Variants in AGAP1 observed in about 807,000 individuals in gnomAD.
AGAP1 encodes the protein arf-GAP with GTPase, ANK repeat and PH domain-containing protein 1.
AGAP1 carries 29 observed loss-of-function variants against 105.3 expected under a neutral mutation model. The observed-to-expected ratio is 0.28, with a 90% confidence interval of 0.21 to 0.38. AGAP1 has a LOEUF of 0.38. Among genes scored for constraint, AGAP1 ranks in the 10% least tolerant of loss-of-function variants. The probability of loss-of-function intolerance (pLI) is 1.00; values close to 1 mark genes in which losing one functional copy is unlikely to be tolerated. For synonymous variants in AGAP1, 509 were observed against 485.9 expected, an observed-to-expected ratio of 1.05 and a Z score of -0.63; for missense variants, 998 against 1,165.1, an observed-to-expected ratio of 0.86 and a Z score of 2.09.
At chr2:235,680,965 C>G (rs142337073) in intron 1 of AGAP1, among the ~76,000 whole-genome samples, 3 of 152,122 alleles carry the variant, frequency 2.0e-5, no homozygotes, top group African/African-American at 7.2e-5. Context: ...TTTCCTACTT[C>G]CTCTCAGCTG....
chr2:235,746,805 T>C (rs910343106), intron 5 of AGAP1, among the ~76,000 whole-genome samples: 5 of 152,110 alleles, frequency 3.3e-5, no homozygotes, highest in Admixed American at 2.0e-4. Context: ...ACTTTAGGAC[T>C]CAGAATGGGC....
intron 16 of AGAP1, among the ~76,000 whole-genome samples, chr2:236,069,557 G>A (rs1022015873): frequency 6.6e-6 from 1 of 152,136 alleles, no homozygotes; most frequent in Admixed American, 6.6e-5. Flanking sequence ...CCAAATAGCT[G>A]GGATTACAGG....
At chr2:235,727,580 G>A (rs895157980) in intron 3 of AGAP1, among the ~76,000 whole-genome samples, 1 of 152,190 alleles carries the variant, frequency 6.6e-6, no homozygotes, top group Non-Finnish European at 1.5e-5. Context: ...TGAAAGCTTA[G>A]TCTTTGGAAT....
chr2:235,592,669 G>A (rs374856394), intron 1 of AGAP1, among the ~76,000 whole-genome samples: 10 of 152,134 alleles, frequency 6.6e-5, no homozygotes, highest in African/African-American at 1.9e-4. Flanking sequence ...AGGGAGGGGA[G>A]ACCTCAGTAC....
intron 13 of AGAP1, among the ~76,000 whole-genome samples, chr2:236,024,028 T>TTG (rs1559201476): frequency 8.9e-6 from 1 of 112,314 alleles, no homozygotes; most frequent in East Asian, 2.3e-4. Context: ...GTTGTTTTTT[T>TTG]TTTTTGTTTT....
chr2:235,581,519 A>C (rs1410905623), intron 1 of AGAP1, among the ~76,000 whole-genome samples: 1 of 151,818 alleles, frequency 6.6e-6, no homozygotes, highest in Non-Finnish European at 1.5e-5. Flanking sequence ...ATTTAAAAAG[A>C]AAATAGGCTG....
intron 9 of AGAP1, among the ~76,000 whole-genome samples, chr2:235,873,144 G>A (rs1294895615): frequency 6.6e-6 from 1 of 152,236 alleles, no homozygotes; most frequent in African/African-American, 2.4e-5. Flanking sequence ...AAACATTTTT[G>A]TAGCAGATTC....
intron 9 of AGAP1, chr2:235,852,892 G>A (rs767339231): frequency 2.6e-5 from 35 of 1,337,238 alleles, no homozygotes; most frequent in African/African-American, 1.6e-4. Context: ...CAGATCGGCC[G>A]ATAGCTTGCA....
At chr2:236,054,542 C>T (rs138892357) in intron 16 of AGAP1, among the ~76,000 whole-genome samples, 1 of 151,514 alleles carries the variant, frequency 6.6e-6, no homozygotes, top group Admixed American at 6.6e-5. Context: ...AAGGACTTTG[C>T]CGCGATGACC....
rs2056299874 is a variant in AGAP1, at chr2:236,005,729, A to G, written c.1646-30832A>G. Reference sequence around the variant, plus strand: ...GAATCCCTCTACTGGAATTTGTGCAATGCTTTTCTCAGGTTTCATCTTGAG... The same window carrying G: ...GAATCCCTCTACTGGAATTTGTGCAGTGCTTTTCTCAGGTTTCATCTTGAG... On this transcript the variant is annotated intron_variant, in intron 13 of 17. Transcript: ENST00000304032. This position sits in a 1 kb window ranked among gnomAD's most constrained non-coding sequence, Gnocchi z 4.1. 1.3e-5 allele frequency among the ~76,000 whole-genome samples: 2 copies of G among 152,282 alleles called. No individual in the cohort carries two copies. The highest frequency in any genetic ancestry group is 4.1e-4 in the South Asian group (2 of 4,822).
At position 236,001,823 on chromosome 2, in the gene AGAP1, G is replaced by C. The variant is rs536974263; in HGVS notation, c.1645+33200G>C. On this transcript the variant is annotated intron_variant, in intron 13 of 17. Coordinates refer to ENST00000304032, the MANE Select transcript of AGAP1 (RefSeq NM_001037131.3). This position sits in a 1 kb window ranked among gnomAD's most constrained non-coding sequence, Gnocchi z 4.7. ...CACAGGGCACTGCGTGGAATGCGTG[G>C]TCTCTAATAGGTTATGCCAGCCCCT... is the stretch of plus-strand genomic sequence containing the variant. Among the ~76,000 whole-genome samples, 16 of 152,328 alleles carry C rather than the reference G, an allele frequency of 1.1e-4. No homozygotes were observed. In the South Asian group the frequency reaches 3.3e-3, roughly 32 times the overall value.
rs1559395554 is a variant in AGAP1, at chr2:235,721,475, TTATG to T, written c.310+3833_310+3836del. Among the ~76,000 whole-genome samples the T allele has an allele frequency of 9.2e-6, 1 of 108,210 alleles. No individual in the cohort carries two copies. The highest frequency in any genetic ancestry group is 2.0e-5 in the Non-Finnish European group (1 of 50,342). 71.0% of individuals were successfully genotyped at this position (108,210 alleles called of 152,430 possible). On this transcript the variant is annotated intron_variant, in intron 3 of 17. Transcript: ENST00000304032. This position sits in a 1 kb window ranked among gnomAD's most constrained non-coding sequence, Gnocchi z 4.5. ...TCTTGGATTGACAGATTCCTTAATA[TTATG>T]TGTGTGTGTGTGTGTGTGTGTGTGT...
chr2:235,566,150 G>T lies in AGAP1; in HGVS notation c.163+71301G>T, dbSNP rs1944339470. On this transcript the variant is annotated intron_variant, in intron 1 of 17. Coordinates refer to ENST00000304032, the MANE Select transcript of AGAP1 (RefSeq NM_001037131.3). The surrounding 1 kb of genome is among the most constrained non-coding windows in gnomAD (Gnocchi z 5.2). ...TCTGTCGCCCAGGCTAGAGTGCAGT[G>T]GCGCAACCTCGGCTCACTGCAACCT... Among the ~76,000 whole-genome samples, 1 of 152,002 alleles carries T rather than the reference G, an allele frequency of 6.6e-6. No individual in the cohort carries two copies. Among genetic ancestry groups the T allele is most frequent in the Non-Finnish European group, 1.5e-5 (1 of 68,012 alleles).
At position 235,577,517 on chromosome 2, in the gene AGAP1, G is replaced by C. The variant is rs931492426; in HGVS notation, c.163+82668G>C. Among the ~76,000 whole-genome samples, 1 of 152,116 alleles carries C rather than the reference G, an allele frequency of 6.6e-6. No individual in the cohort carries two copies. Among genetic ancestry groups the C allele is most frequent in the Non-Finnish European group, 1.5e-5 (1 of 68,018 alleles). ...CAGAGTCCTGTGTTTGTTTGGAAAT[G>C]ATCGGAAGCTCCTGTGTCCCTGGTC... is the stretch of plus-strand genomic sequence containing the variant. On this transcript the variant is annotated intron_variant, in intron 1 of 17. Coordinates refer to ENST00000304032, the MANE Select transcript of AGAP1 (RefSeq NM_001037131.3). This position sits in a 1 kb window ranked among gnomAD's most constrained non-coding sequence, Gnocchi z 4.5.
rs1213213041 is a variant in AGAP1 at position 235,866,633 on chromosome 2, C to T, written c.1051-16712C>T. Among the ~76,000 whole-genome samples the T allele has an allele frequency of 1.3e-5, 2 of 152,220 alleles. No homozygotes were observed. Among genetic ancestry groups the T allele is most frequent in the Non-Finnish European group, 2.9e-5 (2 of 68,044 alleles). The stretch of plus-strand genomic sequence containing the variant: ...TCATGCACCTGTGTGTGTGAGTCAG[C>T]TCAAACTGCCATAACAGAAGACCAC... On this transcript the variant is annotated intron_variant, in intron 9 of 17. Coordinates refer to ENST00000304032, the MANE Select transcript of AGAP1 (RefSeq NM_001037131.3). The surrounding 1 kb of genome is among the most constrained non-coding windows in gnomAD (Gnocchi z 6.1).
Position 235,729,950 on chromosome 2 carries a change from C to T in AGAP1, c.311-11013C>T, listed in dbSNP as rs1222969938. Among the ~76,000 whole-genome samples the T allele has an allele frequency of 2.0e-5, 3 of 152,098 alleles. No homozygotes were observed. The highest frequency in any genetic ancestry group is 2.1e-4 in the South Asian group (1 of 4,826). On this transcript the variant is annotated intron_variant, in intron 3 of 17. Coordinates refer to ENST00000304032, the MANE Select transcript of AGAP1 (RefSeq NM_001037131.3). This position sits in a 1 kb window ranked among gnomAD's most constrained non-coding sequence, Gnocchi z 5.0. ...CTGGCCTTTTACACAGGCAGTTCGC[C>T]AGCCCCCTACCCTACAGTATGGAAA...
In AGAP1 at chr2:235,988,089, C is replaced by CT. The variant is rs2055398038; in HGVS notation, c.1645+19467dup. Among the ~76,000 whole-genome samples, 1 of 152,200 alleles carries CT rather than the reference C, an allele frequency of 6.6e-6. No individual in the cohort carries two copies. The highest frequency in any genetic ancestry group is 2.1e-4 in the South Asian group (1 of 4,834). On this transcript the variant is annotated intron_variant, in intron 13 of 17. Transcript: ENST00000304032. The surrounding 1 kb of genome is among the most constrained non-coding windows in gnomAD (Gnocchi z 4.7). ...CAAGAGTCTCACTCTGTTGCCCAGG[C>CT]TGGAGTGTGGTGGCATGATCTCGGC...
chr2:235,587,609 G>A (rs951511064), intron 1 of AGAP1, among the ~76,000 whole-genome samples: 3 of 152,068 alleles, frequency 2.0e-5, no homozygotes, highest in African/African-American at 7.2e-5. Flanking sequence ...TAAAAAATTA[G>A]CCGGGCATTG....
chr2:235,991,984 C>T (rs911630654), intron 13 of AGAP1, among the ~76,000 whole-genome samples: 3 of 152,252 alleles, frequency 2.0e-5, no homozygotes, highest in Admixed American at 6.5e-5. Context: ...AACATCCAGC[C>T]TCACAAATGT....
Sources: allele counts gnomAD v4.1 joint callset (sites outside exome capture counted in the v4.1 genomes callset), GRCh38; gene constraint gnomAD v4.1.1; non-coding constraint Gnocchi (gnomAD v3.1); transcripts MANE v1.5; gene names NCBI Gene and HGNC (gene_info 2026-07-23, HGNC 2026-07-21).